KAT2B: variants seen among roughly 807,000 people sequenced by gnomAD.
KAT2B encodes lysine acetyltransferase 2B.
A neutral mutation model predicts 105.9 loss-of-function variants in KAT2B; 36 were observed. That is an observed-to-expected ratio of 0.34 (90% CI 0.26 to 0.45). The LOEUF (loss-of-function observed/expected upper bound fraction) is 0.45, where lower values mean the gene tolerates loss of function less well. Among genes scored for constraint, KAT2B ranks in the 20% least tolerant of loss-of-function variants. The probability of loss-of-function intolerance (pLI) is 1.00; values close to 1 mark genes in which losing one functional copy is unlikely to be tolerated. For missense variants in KAT2B, 820 were observed against 1,021.6 expected, an observed-to-expected ratio of 0.80 and a Z score of 2.69; for synonymous variants, 397 against 377.9, an observed-to-expected ratio of 1.05 and a Z score of -0.59.
intron 2 of KAT2B, among the ~76,000 whole-genome samples, chr3:20,077,651 A>C (rs2365371): frequency 0.11 from 16,016 of 152,250 alleles, 945 homozygotes; most frequent in East Asian, 0.24. Context: ...TTAATGTATT[A>C]TTAAAATTAT....
intron 2 of KAT2B, among the ~76,000 whole-genome samples, chr3:20,087,644 C>T (rs186490442): frequency 2.0e-4 from 30 of 152,278 alleles, no homozygotes; most frequent in Non-Finnish European, 3.5e-4. Context: ...ACTCTGTGAC[C>T]AGCATCTCTA....
intron 4 of KAT2B, chr3:20,101,039 T>G (rs1698900891): frequency 4.1e-6 from 2 of 487,532 alleles, no homozygotes; most frequent in Non-Finnish European, 7.3e-6. Context: ...CCTTAATGCT[T>G]CAGGATTTCA....
chr3:20,147,055 C>G (rs1206577425), intron 14 of KAT2B, among the ~76,000 whole-genome samples: 1 of 151,442 alleles, frequency 6.6e-6, no homozygotes, highest in Non-Finnish European at 1.5e-5. Flanking sequence ...TTAAACCATA[C>G]CAAATAGTTG....
At chr3:20,079,643 A>G (rs1470165479) in intron 2 of KAT2B, among the ~76,000 whole-genome samples, 5 of 152,320 alleles carry the variant, frequency 3.3e-5, no homozygotes, top group African/African-American at 1.2e-4. Flanking sequence ...TAGGCAGATC[A>G]TTTGACTCAA....
chr3:20,119,905 G>A (rs147116092), intron 8 of KAT2B, among the ~76,000 whole-genome samples, 182 bp downstream of exon 8: 96 of 152,320 alleles, frequency 6.3e-4, no homozygotes, highest in African/African-American at 2.2e-3. Context: ...TCTTAAAACT[G>A]TAATAACTTA....
At chr3:20,082,869 C>CT (rs1468589257) in intron 2 of KAT2B, among the ~76,000 whole-genome samples, 2 of 152,046 alleles carry the variant, frequency 1.3e-5, no homozygotes, top group Non-Finnish European at 2.9e-5. Flanking sequence ...AAGAAAAAGA[C>CT]TAACATCTTA....
chr3:20,148,610 G>T (rs1256780671), intron 17 of KAT2B, 123 bp downstream of exon 17: 1 of 705,234 alleles, frequency 1.4e-6, no homozygotes, highest in Non-Finnish European at 2.4e-6. Context: ...GACGGGTGGT[G>T]GGATTCCATG....
intron 7 of KAT2B, among the ~76,000 whole-genome samples, chr3:20,118,628 C>A (rs1333459426): frequency 6.8e-6 from 1 of 146,286 alleles, no homozygotes; most frequent in Non-Finnish European, 1.5e-5. Context: ...GAGGCTGAGG[C>A]AGGAGAATAG....
At chr3:20,095,159 A>T in intron 2 of KAT2B, 104 bp from the exon 3 acceptor site, 2 of 885,296 alleles carry the variant, frequency 2.3e-6, no homozygotes, top group Non-Finnish European at 3.5e-6. Flanking sequence ...GTGAACTTAA[A>T]GGATTGATGG....
intron 3 of KAT2B, among the ~76,000 whole-genome samples, chr3:20,096,241 A>C (rs1698808612): frequency 6.6e-6 from 1 of 152,168 alleles, no homozygotes; most frequent in Non-Finnish European, 1.5e-5. Context: ...CACTGACACC[A>C]GTCACCGATT....
intron 11 of KAT2B, among the ~76,000 whole-genome samples, chr3:20,128,470 G>C (rs1699449458): frequency 6.6e-6 from 1 of 151,836 alleles, no homozygotes; most frequent in African/African-American, 2.4e-5. Context: ...TTTGGCATGT[G>C]TTGGAGTGTC....
At chr3:20,092,158 G>A (rs1698729952) in intron 2 of KAT2B, among the ~76,000 whole-genome samples, 1 of 152,044 alleles carries the variant, frequency 6.6e-6, no homozygotes, top group Non-Finnish European at 1.5e-5. Context: ...ATCCATTGTT[G>A]AAAGTGTAAT....
chr3:20,059,446 G>C (rs75439106), intron 1 of KAT2B, among the ~76,000 whole-genome samples: 1 of 148,040 alleles, frequency 6.8e-6, no homozygotes, highest in East Asian at 2.0e-4. Context: ...GGCCAGGCGT[G>C]GTGCCTCACG....
intron 1 of KAT2B, among the ~76,000 whole-genome samples, chr3:20,053,038 C>T (rs898389794): frequency 2.6e-5 from 4 of 152,140 alleles, no homozygotes; most frequent in African/African-American, 9.7e-5. Context: ...TTGTGGTCTG[C>T]AGCAGGGCAG....
chr3:20,112,794 C>T (rs1443092028), intron 6 of KAT2B, among the ~76,000 whole-genome samples: 7 of 152,104 alleles, frequency 4.6e-5, no homozygotes, highest in African/African-American at 1.7e-4. Flanking sequence ...GTTTGAGAAA[C>T]TAGATTTTTA....
At chr3:20,142,238 C>A (rs1479676086) in intron 13 of KAT2B, among the ~76,000 whole-genome samples, 4 of 152,202 alleles carry the variant, frequency 2.6e-5, no homozygotes, top group African/African-American at 9.6e-5. Flanking sequence ...GCCAAGGCTC[C>A]CTCCCCATTC....
At chr3:20,059,119 T>A (rs569097753) in intron 1 of KAT2B, among the ~76,000 whole-genome samples, 1 of 152,198 alleles carries the variant, frequency 6.6e-6, no homozygotes, top group African/African-American at 2.4e-5. Context: ...TTAAAAATAT[T>A]ATTAAAATAT....
At chr3:20,134,628 C>T (rs996798534) in intron 11 of KAT2B, among the ~76,000 whole-genome samples, 3 of 152,238 alleles carry the variant, frequency 2.0e-5, no homozygotes, top group East Asian at 1.9e-4. Context: ...AGGATGGTCT[C>T]GATCTCCTGA....
chr3:20,126,808 C>T (rs1490673063), intron 10 of KAT2B, among the ~76,000 whole-genome samples: 3 of 114,052 alleles, frequency 2.6e-5, no homozygotes, highest in South Asian at 2.9e-4. Flanking sequence ...GGCAACAGAG[C>T]GAAACTCCAT....
Sources: gnomAD v4.1 joint callset for allele counts (sites outside exome capture counted in the v4.1 genomes callset) on GRCh38, gnomAD v4.1.1 for gene constraint, MANE v1.5 for transcripts, NCBI Gene and HGNC (gene_info 2026-07-23, HGNC 2026-07-21) for gene names.